The following GLIS3 variants were observed in gnomAD, a reference collection of about 807,000 sequenced individuals.
GLIS3 encodes the protein zinc finger protein GLIS3.
A neutral mutation model predicts 78.6 loss-of-function variants in GLIS3; 53 were observed. That is an observed-to-expected ratio of 0.67 (90% confidence interval 0.54 to 0.85). The LOEUF is 0.85. Ranked by LOEUF, GLIS3 falls within the 40% of genes least tolerant of loss-of-function variation. GLIS3 has a pLI of 0.00. For missense variants in GLIS3, 1,703 were observed against 1,231.1 expected (o/e 1.38, Z -5.74); for synonymous variants, 684 against 509.9 (o/e 1.34, Z -4.60).
At position 3,856,053 on chromosome 9, in the gene GLIS3, G is replaced by A. The variant is rs1473578140; in HGVS notation, c.2429C>T (p.Pro810Leu). 6.2e-7 allele frequency: 1 copy of A among 1,614,180 alleles called. No homozygotes were observed. The highest frequency in any genetic ancestry group is 1.1e-5 in the South Asian group (1 of 91,086). The change falls in exon 9 of 11, where the codon CCA (proline) becomes CTA (leucine). Residue 810 changes from proline (P) to leucine (L), a missense_variant. By Grantham distance (98) the Pro-to-Leu change is moderately conservative (BLOSUM62 -3). Coordinates refer to ENST00000381971, the MANE Select transcript of GLIS3 (RefSeq NM_001042413.2). ...PSGSHLKSYQ[P>L]ETNSSFQPNG... ...TGGTTGAAAAGAAGAGTTTGTTTCTGGCTGATAGGACTTCAGGTGTGAACC... is the reference window on the plus strand; with the variant it reads ...TGGTTGAAAAGAAGAGTTTGTTTCTAGCTGATAGGACTTCAGGTGTGAACC...
the GLIS3 span, among the ~76,000 whole-genome samples, chr9:4,415,547 G>T: frequency 3.3e-5 from 5 of 152,128 alleles, no homozygotes. Flanking sequence ...AGCTGGTCTT[G>T]TTCTCGGCCA....
chr9:4,186,080 A>T (rs1469296396), intron 2 of GLIS3, among the ~76,000 whole-genome samples: 2 of 151,796 alleles, frequency 1.3e-5, no homozygotes, highest in Non-Finnish European at 2.9e-5. Flanking sequence ...TACATGTGCC[A>T]TGCTGGTGTG....
chr9:3,849,143 A>G (rs1442943039), intron 9 of GLIS3, among the ~76,000 whole-genome samples: 1 of 152,100 alleles, frequency 6.6e-6, no homozygotes, highest in African/African-American at 2.4e-5. Flanking sequence ...GGGATGCAAA[A>G]TAAGAGCACA....
the GLIS3 span, among the ~76,000 whole-genome samples, chr9:4,436,303 G>A: frequency 2.0e-5 from 3 of 152,188 alleles, no homozygotes; most frequent in Non-Finnish European, 4.4e-5. Flanking sequence ...GGCAATATTT[G>A]TAATATATTA....
intron 2 of GLIS3, among the ~76,000 whole-genome samples, chr9:4,221,014 T>G (rs989814050): frequency 1.3e-5 from 2 of 152,208 alleles, no homozygotes; most frequent in East Asian, 3.9e-4. Flanking sequence ...TAAGTGTTTC[T>G]CTGGGTTGGA....
intron 2 of GLIS3, among the ~76,000 whole-genome samples, chr9:4,274,194 T>A (rs1032795845): frequency 6.6e-6 from 1 of 152,166 alleles, no homozygotes; most frequent in African/African-American, 2.4e-5. Context: ...CCATGTTGTT[T>A]CCCTACAGCA....
chr9:4,407,257 T>C, the GLIS3 span, among the ~76,000 whole-genome samples: 2 of 152,342 alleles, frequency 1.3e-5, no homozygotes, highest in East Asian at 1.9e-4. Flanking sequence ...AGAATGAAAC[T>C]AGACCCTTAT....
the GLIS3 span, among the ~76,000 whole-genome samples, chr9:4,488,670 G>A: frequency 7.2e-5 from 11 of 151,784 alleles, no homozygotes; most frequent in East Asian, 2.0e-3. Flanking sequence ...CAGGTGCATG[G>A]CCCTAAACCC....
the GLIS3 span, among the ~76,000 whole-genome samples, chr9:4,411,497 T>C: frequency 1.3e-5 from 2 of 152,212 alleles, no homozygotes; most frequent in Non-Finnish European, 2.9e-5. Context: ...CACAGAAAAC[T>C]AGTAATCCCT....
the GLIS3 span, among the ~76,000 whole-genome samples, chr9:4,370,069 G>A: frequency 6.7e-6 from 1 of 149,676 alleles, no homozygotes; most frequent in African/African-American, 2.4e-5. Flanking sequence ...GCGCATGCCT[G>A]TTATCCCAGC....
intron 6 of GLIS3, among the ~76,000 whole-genome samples, chr9:3,923,641 G>C (rs1825042328): frequency 6.6e-6 from 1 of 151,750 alleles, no homozygotes; most frequent in South Asian, 2.1e-4. Flanking sequence ...CTAAATAACA[G>C]GAATACCCAA....
At chr9:4,161,675 CT>C (rs55904647) in intron 2 of GLIS3, among the ~76,000 whole-genome samples, 39 of 114,200 alleles carry the variant, frequency 3.4e-4, no homozygotes, top group African/African-American at 9.4e-4. Flanking sequence ...TGCTAGAAGT[CT>C]TTTTTTTTTT....
intron 2 of GLIS3, among the ~76,000 whole-genome samples, chr9:4,327,442 G>T (rs72692066): frequency 0.04 from 6,135 of 152,266 alleles, 141 homozygotes; most frequent in East Asian, 0.052. Context: ...TCCTGCAGTA[G>T]TCCAGGTGAA....
chr9:3,976,558 T>C (rs1563911511), intron 4 of GLIS3, among the ~76,000 whole-genome samples: 2 of 151,446 alleles, frequency 1.3e-5, no homozygotes, highest in Non-Finnish European at 2.9e-5. Flanking sequence ...ACTCTTGAAA[T>C]GCTCCCCTCT....
intron 4 of GLIS3, among the ~76,000 whole-genome samples, chr9:4,024,556 T>A (rs1384713057): frequency 2.0e-5 from 3 of 152,176 alleles, no homozygotes; most frequent in African/African-American, 4.8e-5. Flanking sequence ...TCATTTCTCC[T>A]GTTTTTCACA....
At chr9:4,159,044 A>AAAAAAAAAC (rs1835270385) in intron 2 of GLIS3, among the ~76,000 whole-genome samples, 1 of 151,390 alleles carries the variant, frequency 6.6e-6, no homozygotes, top group Admixed American at 6.6e-5. Context: ...AAAAAAAAAA[A>AAAAAAAAAC]AAAAAGCCAG....
chr9:3,839,428 A>G (rs1046929654), intron 9 of GLIS3, among the ~76,000 whole-genome samples: 2 of 152,186 alleles, frequency 1.3e-5, no homozygotes, highest in Admixed American at 6.5e-5. Context: ...TATTTTGGTT[A>G]GTGTTATACC....
intron 8 of GLIS3, among the ~76,000 whole-genome samples, chr9:3,868,012 G>A (rs1437443057): frequency 3.3e-5 from 5 of 151,676 alleles, no homozygotes; most frequent in African/African-American, 1.2e-4. Context: ...TGACATGGAT[G>A]TCAACATGCA....
At chr9:4,113,712 T>C (rs1001974338) in intron 4 of GLIS3, among the ~76,000 whole-genome samples, 1 of 152,222 alleles carries the variant, frequency 6.6e-6, no homozygotes. Context: ...CTGGCTTGTG[T>C]ACCCATACAT....
Sources: allele counts gnomAD v4.1 joint callset (sites outside exome capture counted in the v4.1 genomes callset), GRCh38; gene constraint gnomAD v4.1.1; transcripts MANE v1.5; gene names NCBI Gene and HGNC (gene_info 2026-07-23, HGNC 2026-07-21).